NRXN3: variants seen among roughly 807,000 people sequenced by gnomAD.
NRXN3 encodes the protein neurexin III.
A neutral mutation model predicts 137.6 loss-of-function variants in NRXN3; 32 were observed. The observed-to-expected ratio is 0.23, with a 90% confidence interval of 0.18 to 0.31. NRXN3 has a LOEUF of 0.31. Ranked by LOEUF, NRXN3 falls within the 10% of genes least tolerant of loss-of-function variation. NRXN3 has a pLI of 1.00. For synonymous variants in NRXN3, 798 were observed against 784.5 expected (o/e 1.02, Z -0.29); for missense variants, 1,574 against 2,062.5 (o/e 0.76, Z 4.59).
intron 19 of NRXN3, among the ~76,000 whole-genome samples, chr14:79,706,500 G>C (rs549370972): frequency 6.6e-6 from 1 of 150,690 alleles, no homozygotes; most frequent in Non-Finnish European, 1.5e-5. Flanking sequence ...AAAAATATGG[G>C]ACAATAAGTT....
At chr14:79,138,238 C>T (rs1194076381) in intron 15 of NRXN3, among the ~76,000 whole-genome samples, 2 of 152,124 alleles carry the variant, frequency 1.3e-5, no homozygotes, top group Non-Finnish European at 2.9e-5. Context: ...TCACTGCAGC[C>T]TTGACCTTCC....
intron 20 of NRXN3, among the ~76,000 whole-genome samples, chr14:79,818,239 G>C (rs2099258741): frequency 6.6e-6 from 1 of 151,966 alleles, no homozygotes; most frequent in Admixed American, 6.5e-5. Context: ...GTTTTTAGTA[G>C]AGACGGGGTT....
chr14:79,831,060 C>G (rs1303862275), intron 20 of NRXN3, among the ~76,000 whole-genome samples: 1 of 134,628 alleles, frequency 7.4e-6, no homozygotes, highest in Non-Finnish European at 1.7e-5. Context: ...GATCGACAGT[C>G]CTATTAGAGA....
intron 9 of NRXN3, among the ~76,000 whole-genome samples, chr14:78,808,052 T>A (rs969794127): frequency 1.1e-4 from 17 of 152,000 alleles, no homozygotes; most frequent in Admixed American, 2.6e-4. Flanking sequence ...CACACACATA[T>A]TTATACATAT....
chr14:78,375,639 G>A (rs980552933), intron 4 of NRXN3, among the ~76,000 whole-genome samples: 5 of 152,160 alleles, frequency 3.3e-5, no homozygotes, highest in Admixed American at 6.5e-5. Context: ...TTGTTTTCAG[G>A]TAAATGTTAA....
chr14:79,055,375 A>G (rs2099657001), intron 15 of NRXN3, among the ~76,000 whole-genome samples: 1 of 152,142 alleles, frequency 6.6e-6, no homozygotes, highest in Non-Finnish European at 1.5e-5. Flanking sequence ...TATTACTCCG[A>G]CTGTACAGGT....
At chr14:79,164,474 T>C (rs2153074749) in intron 15 of NRXN3, among the ~76,000 whole-genome samples, 1 of 152,126 alleles carries the variant, frequency 6.6e-6, no homozygotes, top group South Asian at 2.1e-4. Flanking sequence ...TTTAATTTCT[T>C]TGGTAAAAGC....
intron 8 of NRXN3, among the ~76,000 whole-genome samples, chr14:78,726,579 G>A (rs1391697867): frequency 7.4e-6 from 1 of 135,944 alleles, no homozygotes; most frequent in Non-Finnish European, 1.5e-5. Flanking sequence ...GTGCAGTGAT[G>A]CAATCTCAGC....
intron 1 of NRXN3, among the ~76,000 whole-genome samples, chr14:78,200,772 C>G (rs1220733218): frequency 1.3e-5 from 2 of 152,138 alleles, no homozygotes; most frequent in Non-Finnish European, 2.9e-5. Flanking sequence ...GGCAAAATTC[C>G]TGGGTCTAGC....
At chr14:78,667,301 A>G (rs1384826462) in intron 6 of NRXN3, among the ~76,000 whole-genome samples, 3 of 152,180 alleles carry the variant, frequency 2.0e-5, no homozygotes, top group Non-Finnish European at 4.4e-5. Context: ...TCTTAATAGC[A>G]CTTACCTCAG....
At chr14:79,070,535 T>G (rs2152708348) in intron 15 of NRXN3, among the ~76,000 whole-genome samples, 1 of 152,304 alleles carries the variant, frequency 6.6e-6, no homozygotes, top group Non-Finnish European at 1.5e-5. Context: ...AGTGCTCCCT[T>G]AATAACTCAA....
chr14:78,557,561 C>T (rs1424624253), intron 4 of NRXN3, among the ~76,000 whole-genome samples: 1 of 152,172 alleles, frequency 6.6e-6, no homozygotes, highest in Admixed American at 6.5e-5. Flanking sequence ...AACCAAGATG[C>T]GTAAAGTTCC....
chr14:79,459,279 A>G (rs2096295700), intron 15 of NRXN3, among the ~76,000 whole-genome samples: 1 of 152,114 alleles, frequency 6.6e-6, no homozygotes, highest in South Asian at 2.1e-4. Context: ...TCAGTATCTC[A>G]GAATGTGACT....
intron 19 of NRXN3, among the ~76,000 whole-genome samples, chr14:79,780,588 G>A (rs3953269): frequency 0.35 from 52,572 of 151,908 alleles, 9,655 homozygotes; most frequent in Middle Eastern, 0.45. Flanking sequence ...CAGCCTGGGC[G>A]ACAGAGCGAG....
chr14:78,792,864 A>C (rs1336704633), intron 8 of NRXN3, among the ~76,000 whole-genome samples: 1 of 152,182 alleles, frequency 6.6e-6, no homozygotes, highest in Non-Finnish European at 1.5e-5. Context: ...AAATACGAAC[A>C]AACTTTGGTA....
At chr14:79,496,414 G>T (rs2096768558) in intron 16 of NRXN3, among the ~76,000 whole-genome samples, 1 of 152,170 alleles carries the variant, frequency 6.6e-6, no homozygotes, top group Admixed American at 6.5e-5. Context: ...ACTATCCAGG[G>T]ATTAGATATT....
intron 8 of NRXN3, among the ~76,000 whole-genome samples, chr14:78,799,805 T>C (rs2098833097): frequency 6.6e-6 from 1 of 151,116 alleles, no homozygotes; most frequent in Non-Finnish European, 1.5e-5. Context: ...GCGAAAGGGG[T>C]TTTTCGTTAT....
intron 15 of NRXN3, among the ~76,000 whole-genome samples, chr14:79,234,404 G>T (rs969309223): frequency 7.1e-6 from 1 of 141,012 alleles, no homozygotes; most frequent in South Asian, 2.2e-4. Flanking sequence ...TTATTTTTGA[G>T]ACAGAGTCTG....
At chr14:79,225,578 G>A (rs563309608) in intron 15 of NRXN3, among the ~76,000 whole-genome samples, 94 of 152,178 alleles carry the variant, frequency 6.2e-4, no homozygotes, top group Middle Eastern at 6.8e-3. Context: ...TTTTGCAGGT[G>A]AGAAGTCCAT....
Sources: allele counts gnomAD v4.1 joint callset (sites outside exome capture counted in the v4.1 genomes callset), GRCh38; gene constraint gnomAD v4.1.1; transcripts MANE v1.5; gene names NCBI Gene and HGNC (gene_info 2026-07-23, HGNC 2026-07-21).